The following FCHO2 variants were observed in gnomAD, a reference collection of about 807,000 sequenced individuals.
The protein encoded by FCHO2 is FCH and mu domain containing endocytic adaptor 2.
FCHO2 carries 43 observed loss-of-function variants against 114.1 expected under a neutral mutation model. That is an observed-to-expected ratio of 0.38 (90% CI 0.30 to 0.49). The LOEUF (loss-of-function observed/expected upper bound fraction) is 0.49. Among genes scored for constraint, FCHO2 ranks in the 20% least tolerant of loss-of-function variants. The pLI, the probability that FCHO2 is intolerant of heterozygous loss-of-function variation, is 0.97. For missense variants in FCHO2, 807 were observed against 950.4 expected, an observed-to-expected ratio of 0.85 and a Z score of 1.98; for synonymous variants, 293 against 315.2, an observed-to-expected ratio of 0.93 and a Z score of 0.75.
intron 1 of FCHO2, among the ~76,000 whole-genome samples, chr5:72,964,921 C>T (rs930544888): frequency 6.6e-6 from 1 of 151,854 alleles, no homozygotes; most frequent in Non-Finnish European, 1.5e-5. Flanking sequence ...GTTTGGTATG[C>T]GAATCATCCC....
intron 17 of FCHO2, among the ~76,000 whole-genome samples, chr5:73,062,728 A>G (rs1757907213): frequency 6.6e-6 from 1 of 152,044 alleles, no homozygotes. Context: ...TGCATGTACA[A>G]CTTTCAATCC....
chr5:72,961,591 A>G (rs537570055), intron 1 of FCHO2, among the ~76,000 whole-genome samples: 56 of 151,614 alleles, frequency 3.7e-4, no homozygotes, highest in South Asian at 2.9e-3. Flanking sequence ...ACCATTACCA[A>G]TTTCTTTCTT....
intron 19 of FCHO2, 97 bp from the exon 20 acceptor site, chr5:73,074,645 G>C (rs1412355429): frequency 1.9e-6 from 2 of 1,059,122 alleles, no homozygotes; most frequent in East Asian, 2.6e-5. Flanking sequence ...CCAGTGGTAG[G>C]GTCGTTTGTG....
intron 5 of FCHO2, chr5:72,997,134 C>T (rs892424623): frequency 4.4e-6 from 5 of 1,128,454 alleles, no homozygotes; most frequent in East Asian, 4.7e-5. Flanking sequence ...CTTATTCACT[C>T]CCACCATGAT....
chr5:73,068,540 TCA>T (rs1742475657), intron 18 of FCHO2, 108 bp from the exon 19 acceptor site: 2 of 1,094,268 alleles, frequency 1.8e-6, no homozygotes, highest in African/African-American at 1.6e-5. Flanking sequence ...TACAAGAAAC[TCA>T]CACAGTAAAT....
At chr5:73,037,039 C>A in intron 9 of FCHO2, 104 bp from the exon 10 acceptor site, 1 of 638,890 alleles carries the variant, frequency 1.6e-6, no homozygotes, top group Non-Finnish European at 2.5e-6. Context: ...TTAGCATCAG[C>A]AGTTATGAGC....
intron 1 of FCHO2, among the ~76,000 whole-genome samples, chr5:72,965,573 C>A (rs1273915160): frequency 6.6e-6 from 1 of 152,118 alleles, no homozygotes; most frequent in Non-Finnish European, 1.5e-5. Context: ...CTGTATTTTA[C>A]CTCCAGCTCC....
In FCHO2 at chr5:72,990,478, A is replaced by G; in HGVS notation, c.201A>G (p.Gly67=). 6.7e-7 allele frequency: 1 copy of G among 1,501,388 alleles called. No homozygotes were observed. The highest frequency in any genetic ancestry group is 8.8e-7 in the Non-Finnish European group (1 of 1,130,910). 93.0% of individuals were successfully genotyped at this position (1,501,388 alleles called of 1,614,324 possible). A position where few individuals can be genotyped will look rare whatever the true frequency, so the allele number is the denominator to read the frequency against. The part of the protein sequence containing the change: ...AKSASNYSQL[G]TFAPVWDVFK... ...ATTCCCATATTTTTTATTTTCTTAG[A>G]ACATTTGCACCAGTATGGGATGTAT... is the stretch of plus-strand genomic sequence containing the variant. The change falls in exon 4 of 26, where the codon GGA becomes GGG. Residue 67 remains glycine (G), a splice_region_variant and synonymous_variant. Transcript: ENST00000430046.
At chr5:73,014,601 C>A (rs1401586194) in intron 6 of FCHO2, among the ~76,000 whole-genome samples, 1 of 152,026 alleles carries the variant, frequency 6.6e-6, no homozygotes, top group Non-Finnish European at 1.5e-5. Context: ...ATTATTATTT[C>A]AAGGATTAGA....
intron 1 of FCHO2, among the ~76,000 whole-genome samples, chr5:72,965,787 G>C (rs547187195): frequency 6.6e-6 from 1 of 152,294 alleles, no homozygotes; most frequent in African/African-American, 2.4e-5. Flanking sequence ...ATGTTATATT[G>C]TGCATTGACT....
intron 5 of FCHO2, chr5:72,997,053 T>G: frequency 7.7e-7 from 1 of 1,301,724 alleles, no homozygotes; most frequent in Non-Finnish European, 1.1e-6. Context: ...TATGATATCA[T>G]CCCCTTATCT....
At chr5:73,060,855 C>A (rs1310364574) in intron 17 of FCHO2, among the ~76,000 whole-genome samples, 1 of 151,924 alleles carries the variant, frequency 6.6e-6, no homozygotes, top group African/African-American at 2.4e-5. Flanking sequence ...TATAAATAAG[C>A]ATTCATGTTT....
At chr5:72,995,689 C>G (rs1156559601) in intron 5 of FCHO2, among the ~76,000 whole-genome samples, 1 of 152,080 alleles carries the variant, frequency 6.6e-6, no homozygotes, top group East Asian at 1.9e-4. Flanking sequence ...AGGTGCAGGA[C>G]CTCATATGAG....
At chr5:73,027,103 C>T (rs1755982626) in intron 8 of FCHO2, among the ~76,000 whole-genome samples, 1 of 150,032 alleles carries the variant, frequency 6.7e-6, no homozygotes, top group Non-Finnish European at 1.5e-5. Flanking sequence ...AATATTAAGG[C>T]ACCTGTGGTC....
intron 10 of FCHO2, among the ~76,000 whole-genome samples, chr5:73,038,953 T>A (rs948439581): frequency 7.2e-5 from 11 of 152,218 alleles, no homozygotes; most frequent in Non-Finnish European, 1.3e-4. Flanking sequence ...AATGTATAGG[T>A]TTCATTACTG....
intron 18 of FCHO2, among the ~76,000 whole-genome samples, chr5:73,065,862 C>T (rs997706638): frequency 6.6e-6 from 1 of 151,866 alleles, no homozygotes; most frequent in African/African-American, 2.4e-5. Context: ...TTGTACCCAA[C>T]AGGTAATTTT....
intron 1 of FCHO2, among the ~76,000 whole-genome samples, chr5:72,964,242 A>AT: frequency 6.6e-6 from 1 of 152,196 alleles, no homozygotes; most frequent in Non-Finnish European, 1.5e-5. Flanking sequence ...AATATAAAAG[A>AT]TTAGGGAAGA....
chr5:73,067,359 C>A (rs1742401591), intron 18 of FCHO2, among the ~76,000 whole-genome samples: 1 of 151,976 alleles, frequency 6.6e-6, no homozygotes. Flanking sequence ...ATCTGTTCAC[C>A]CCAATGTCCT....
intron 18 of FCHO2, among the ~76,000 whole-genome samples, chr5:73,065,681 A>C (rs565741100): frequency 4.6e-5 from 7 of 152,052 alleles, no homozygotes; most frequent in Non-Finnish European, 1.5e-5. Flanking sequence ...CATACTTTAC[A>C]TATTTCTAAT....
Sources: allele counts gnomAD v4.1 joint callset (sites outside exome capture counted in the v4.1 genomes callset), GRCh38; gene constraint gnomAD v4.1.1; transcripts MANE v1.5; gene names NCBI Gene and HGNC (gene_info 2026-07-23, HGNC 2026-07-21).